Variants in DNAH9 observed in about 807,000 individuals in gnomAD.
The protein encoded by DNAH9 is dynein axonemal heavy chain 9.
Under a neutral mutation model 471.6 loss-of-function variants are expected in DNAH9, and 345 were observed. That is an observed-to-expected ratio of 0.73 (90% confidence interval 0.67 to 0.80). The LOEUF (loss-of-function observed/expected upper bound fraction) is 0.80, where lower values mean the gene tolerates loss of function less well. DNAH9 is among the 30% of genes least tolerant of loss of function. The pLI, the probability that DNAH9 is intolerant of heterozygous loss-of-function variation, is 0.00. For synonymous variants in DNAH9, 2,093 were observed against 2,123.6 expected, an observed-to-expected ratio of 0.99 and a Z score of 0.40; for missense variants, 5,407 against 5,609.2, an observed-to-expected ratio of 0.96 and a Z score of 1.15.
At chr17:11,939,807 C>CACGGATGG (rs1974838400) in intron 66 of DNAH9, among the ~76,000 whole-genome samples, 1 of 147,172 alleles carries the variant, frequency 6.8e-6, no homozygotes, top group African/African-American at 2.5e-5. Context: ...ATGTTAGATA[C>CACGGATGG]ATGGATGGAT....
intron 49 of DNAH9, among the ~76,000 whole-genome samples, chr17:11,850,324 CCTGTG>C (rs1462645935): frequency 6.6e-6 from 1 of 152,164 alleles, no homozygotes; most frequent in Non-Finnish European, 1.5e-5. Context: ...GCCCAGAGCG[CCTGTG>C]CCTAACAATT....
At chr17:11,605,674 A>ATTTTTTTTTTTTTTTTTTTTTTTT (rs59748847) in intron 1 of DNAH9, among the ~76,000 whole-genome samples, 1 of 145,054 alleles carries the variant, frequency 6.9e-6, no homozygotes, top group African/African-American at 2.6e-5. Context: ...CAATTTTTCT[A>ATTTTTTTTTTTTTTTTTTTTTTTT]TTTTTTTTTT....
rs147352572 is a variant in DNAH9, at chr17:11,750,697, A to C, written c.6611-2136A>C. ...AATTCCTGTATCAAAAAGGAAATTT[A>C]ATTGCAAACCTCTCTAGGATGCAAT... On this transcript the variant is annotated intron_variant, in intron 32 of 68. Transcript: ENST00000262442. 9.2e-5 allele frequency among the ~76,000 whole-genome samples: 14 copies of C among 152,332 alleles called. No individual in the cohort carries two copies. The East Asian group carries it at 2.7e-3, about 29-fold the overall frequency.
intron 1 of DNAH9, among the ~76,000 whole-genome samples, chr17:11,604,669 G>C (rs1339826626): frequency 3.3e-5 from 5 of 152,092 alleles, no homozygotes; most frequent in Non-Finnish European, 7.4e-5. Context: ...CGTTGTTCAA[G>C]CCACAGATCT....
intron 50 of DNAH9, among the ~76,000 whole-genome samples, chr17:11,856,224 T>C (rs1971621273): frequency 6.6e-6 from 1 of 152,188 alleles, no homozygotes; most frequent in Admixed American, 6.5e-5. Context: ...GTATGTGCAT[T>C]CTAGGCAAAT....
chr17:11,694,098 G>A (rs986808983), intron 21 of DNAH9, 100 bp downstream of exon 21: 18 of 1,451,242 alleles, frequency 1.2e-5, no homozygotes, highest in Admixed American at 2.0e-5. Context: ...TGGGTGCCTT[G>A]CATGTCCCTT....
intron 56 of DNAH9, among the ~76,000 whole-genome samples, chr17:11,885,445 C>T (rs375799201): frequency 5.9e-5 from 9 of 152,324 alleles, no homozygotes; most frequent in East Asian, 1.9e-4. Flanking sequence ...CATCAAAGAT[C>T]ATAAACCTCT....
At chr17:11,873,445 C>T (rs939094545) in intron 52 of DNAH9, 2 of 152,156 alleles carry the variant, frequency 1.3e-5, no homozygotes, top group Non-Finnish European at 2.9e-5. Flanking sequence ...GCTGATTTCC[C>T]TTCAGAGGTT....
At chr17:11,933,308 G>A (rs1277818461) in intron 64 of DNAH9, among the ~76,000 whole-genome samples, 2 of 152,096 alleles carry the variant, frequency 1.3e-5, no homozygotes, top group Non-Finnish European at 2.9e-5. Context: ...AAGAGGGAAG[G>A]CATATATATA....
At chr17:11,728,764 A>G (rs551782142) in intron 28 of DNAH9, among the ~76,000 whole-genome samples, 37 of 152,332 alleles carry the variant, frequency 2.4e-4, no homozygotes, top group Admixed American at 1.8e-3. Flanking sequence ...CTTTTCATAC[A>G]TCATCTTTCA....
chr17:11,786,396 G>A (rs1029048468), intron 41 of DNAH9, among the ~76,000 whole-genome samples: 4 of 152,126 alleles, frequency 2.6e-5, no homozygotes, highest in Non-Finnish European at 4.4e-5. Flanking sequence ...CAGTGGGAAC[G>A]ACGAGTGATA....
At chr17:11,764,798 A>G (rs544786525) in intron 36 of DNAH9, among the ~76,000 whole-genome samples, 2 of 152,316 alleles carry the variant, frequency 1.3e-5, no homozygotes, top group Non-Finnish European at 2.9e-5. Flanking sequence ...GATAAATAAG[A>G]GCATGGAAGG....
chr17:11,619,353 G>A (rs2150655205), intron 5 of DNAH9, among the ~76,000 whole-genome samples, 195 bp from the exon 6 acceptor site: 1 of 152,230 alleles, frequency 6.6e-6, no homozygotes, highest in African/African-American at 2.4e-5. Flanking sequence ...GCCAATCACT[G>A]TAGCTTCAGT....
chr17:11,693,757 T>C, intron 20 of DNAH9, 111 bp from the exon 21 acceptor site: 1 of 1,126,168 alleles, frequency 8.9e-7, no homozygotes, highest in Non-Finnish European at 1.3e-6. Context: ...GAGTCTATTC[T>C]CTGTATTTGA....
chr17:11,705,248 A>T (rs2074680009), intron 26 of DNAH9, 63 bp downstream of exon 26: 2 of 1,462,732 alleles, frequency 1.4e-6, no homozygotes, highest in Non-Finnish European at 1.9e-6. Flanking sequence ...GCTAGTGGGC[A>T]TCTAGGGTCA....
At chr17:11,876,373 CT>C (rs1444163051) in intron 53 of DNAH9, among the ~76,000 whole-genome samples, 2 of 151,954 alleles carry the variant, frequency 1.3e-5, no homozygotes, top group African/African-American at 4.8e-5. Context: ...ATCAAAATAG[CT>C]TATGTACCCC....
Position 11,859,743 on chromosome 17 carries a change from G to A in DNAH9, c.9933+5315G>A, listed in dbSNP as rs11869326. On this transcript the variant is annotated intron_variant, in intron 50 of 68. Coordinates refer to ENST00000262442, the MANE Select transcript of DNAH9 (RefSeq NM_001372.4). Reference sequence around the variant, plus strand: ...GCGGGAGCAAGAGAGAGAAGAGGGAGGTCCCACACTCTTTTAAACAACCAG... The same window carrying A: ...GCGGGAGCAAGAGAGAGAAGAGGGAAGTCCCACACTCTTTTAAACAACCAG... Among the ~76,000 whole-genome samples, 222 of 152,178 alleles carry A rather than the reference G, an allele frequency of 1.5e-3. 2 individuals are homozygous for A. Among genetic ancestry groups the A allele is most frequent in the African/African-American group, 5.0e-3 (209 of 41,518 alleles).
chr17:11,813,322 CT>C (rs1007605968), intron 45 of DNAH9, among the ~76,000 whole-genome samples: 8 of 152,040 alleles, frequency 5.3e-5, no homozygotes, highest in African/African-American at 1.9e-4. Context: ...AACCCACCCC[CT>C]TTTTTTCTTA....
intron 59 of DNAH9, among the ~76,000 whole-genome samples, chr17:11,897,053 C>T (rs552844198): frequency 1.3e-5 from 2 of 152,294 alleles, no homozygotes; most frequent in South Asian, 4.1e-4. Context: ...TCACTTTGCG[C>T]TCCAGCCTGG....
Sources: allele counts gnomAD v4.1 joint callset (sites outside exome capture counted in the v4.1 genomes callset), GRCh38; gene constraint gnomAD v4.1.1; transcripts MANE v1.5; gene names NCBI Gene and HGNC (gene_info 2026-07-23, HGNC 2026-07-21).